The following SUMF1 variants were observed in gnomAD, a reference collection of about 807,000 sequenced individuals.
The protein encoded by SUMF1 is sulfatase modifying factor 1.
A neutral mutation model predicts 47.6 loss-of-function variants in SUMF1; 48 were observed. That is an observed-to-expected ratio of 1.01 (90% CI 0.80 to 1.28). SUMF1 has a LOEUF of 1.28. Ranked by LOEUF, SUMF1 falls within the 50% of genes most tolerant of loss-of-function variation. The pLI, the probability that SUMF1 is intolerant of heterozygous loss-of-function variation, is 0.00. For synonymous variants in SUMF1, 230 were observed against 192.1 expected (o/e 1.20, Z -1.63); for missense variants, 571 against 485.4 (o/e 1.18, Z -1.66).
chr3:4,274,621 T>C (rs1230078901), intron 8 of SUMF1, among the ~76,000 whole-genome samples: 1 of 152,200 alleles, frequency 6.6e-6, no homozygotes, highest in East Asian at 1.9e-4. Flanking sequence ...AGCCAGACTC[T>C]GCCCCTATGA....
At chr3:4,043,754 T>C (rs1694952699) in intron 9 of SUMF1, among the ~76,000 whole-genome samples, 1 of 152,226 alleles carries the variant, frequency 6.6e-6, no homozygotes, top group Admixed American at 6.5e-5. Flanking sequence ...AAAACACTCT[T>C]TGAATACCTT....
At chr3:4,411,699 C>G (rs1380738094) in intron 6 of SUMF1, among the ~76,000 whole-genome samples, 1 of 102,422 alleles carries the variant, frequency 9.8e-6, no homozygotes, top group Non-Finnish European at 1.9e-5. Context: ...GGGGGGAGAG[C>G]AGGAGGAAAA....
At chr3:4,214,901 T>C (rs1695883789) in intron 8 of SUMF1, among the ~76,000 whole-genome samples, 1 of 152,142 alleles carries the variant, frequency 6.6e-6, no homozygotes, top group Admixed American at 6.5e-5. Context: ...GAGGCAGTAA[T>C]TAATAGCCCA....
intron 8 of SUMF1, among the ~76,000 whole-genome samples, chr3:4,265,660 T>G (rs1453538879): frequency 1.3e-5 from 2 of 152,162 alleles, no homozygotes; most frequent in South Asian, 2.1e-4. Flanking sequence ...TTGCGAAAAT[T>G]TTCTCCCATT....
At chr3:4,035,529 C>T (rs191768144) in intron 9 of SUMF1, among the ~76,000 whole-genome samples, 1 of 152,190 alleles carries the variant, frequency 6.6e-6, no homozygotes, top group Non-Finnish European at 1.5e-5. Flanking sequence ...AATTTAATTA[C>T]ACCTGAATAA....
chr3:4,040,481 G>A (rs915917277), intron 9 of SUMF1, among the ~76,000 whole-genome samples: 1 of 152,118 alleles, frequency 6.6e-6, no homozygotes, highest in African/African-American at 2.4e-5. Flanking sequence ...TGATTTAGAT[G>A]AAGATATACG....
intron 8 of SUMF1, among the ~76,000 whole-genome samples, chr3:4,263,718 G>T (rs1559628969): frequency 6.6e-6 from 1 of 152,006 alleles, no homozygotes; most frequent in South Asian, 2.1e-4. Flanking sequence ...ATATTCCCTT[G>T]CCCCCTTATT....
At position 4,323,987 on chromosome 3, in the gene SUMF1, G is replaced by GTCTAGAATTTTGATAC. The variant is rs534914949; in HGVS notation, c.1014+52342_1014+52343insGTATCAAAATTCTAGA. Among the ~76,000 whole-genome samples, 170 of 152,142 alleles carry GTCTAGAATTTTGATAC rather than the reference G, an allele frequency of 1.1e-3. 1 individual carries two copies. The highest frequency in any genetic ancestry group is 3.8e-3 in the African/African-American group (159 of 41,510). On this transcript the variant is annotated intron_variant and NMD_transcript_variant, in intron 8 of 12. Transcript: ENST00000448413. ...TCCTATTACTTTTAAATCTGTGTACGTGTAAGTCTAGAAATTTGATACTGG... is the reference window on the plus strand; with the variant it reads ...TCCTATTACTTTTAAATCTGTGTACGTCTAGAATTTTGATACTGTAAGTCTAGAAATTTGATACTGG...
intron 8 of SUMF1, among the ~76,000 whole-genome samples, chr3:4,139,567 C>T (rs1012044547): frequency 4.5e-5 from 5 of 112,200 alleles, no homozygotes; most frequent in African/African-American, 8.7e-5. Context: ...TATATATATG[C>T]ATGTGTGTGT....
intron 8 of SUMF1, among the ~76,000 whole-genome samples, chr3:4,204,634 C>A (rs553472947): frequency 3.4e-4 from 51 of 152,174 alleles, no homozygotes; most frequent in African/African-American, 1.2e-3. Context: ...TTTTGAGGCT[C>A]TTTTCTTGAT....
chr3:4,431,255 C>T (rs1323926189), intron 3 of SUMF1, among the ~76,000 whole-genome samples: 1 of 152,214 alleles, frequency 6.6e-6, no homozygotes, highest in Non-Finnish European at 1.5e-5. Flanking sequence ...GATTGAGAAC[C>T]TGCCTTCCCA....
intron 8 of SUMF1, among the ~76,000 whole-genome samples, chr3:4,084,784 CA>C (rs1177795589): frequency 2.0e-5 from 3 of 151,986 alleles, no homozygotes; most frequent in Non-Finnish European, 4.4e-5. Flanking sequence ...TTGTATCTTG[CA>C]AAAGGGTATG....
intron 8 of SUMF1, among the ~76,000 whole-genome samples, chr3:4,216,414 A>G (rs1695925119): frequency 6.6e-6 from 1 of 152,134 alleles, no homozygotes; most frequent in Admixed American, 6.6e-5. Context: ...AGAGTTAAAC[A>G]TAAGACCTAA....
At chr3:4,178,673 G>A (rs1360027220) in intron 8 of SUMF1, among the ~76,000 whole-genome samples, 1 of 152,138 alleles carries the variant, frequency 6.6e-6, no homozygotes, top group Non-Finnish European at 1.5e-5. Context: ...TCAACATAGT[G>A]TTGGAAGTTC....
chr3:4,210,250 T>C (rs1467547124), intron 8 of SUMF1, among the ~76,000 whole-genome samples: 2 of 152,120 alleles, frequency 1.3e-5, no homozygotes, highest in African/African-American at 2.4e-5. Flanking sequence ...ATAAATTCAA[T>C]GCAATCCAAA....
At chr3:4,419,980 T>C (rs1019924741) in intron 4 of SUMF1, 84 bp downstream of exon 4, 3 of 1,029,250 alleles carry the variant, frequency 2.9e-6, no homozygotes, top group African/African-American at 1.6e-5. Flanking sequence ...TAGATGAAGA[T>C]GCCCACTGAG....
chr3:4,329,609 T>C (rs1699010773), intron 8 of SUMF1, among the ~76,000 whole-genome samples: 1 of 152,190 alleles, frequency 6.6e-6, no homozygotes, highest in Non-Finnish European at 1.5e-5. Flanking sequence ...AAACCATTTT[T>C]CCCTCCTATG....
chr3:4,453,451 T>C (rs1030334270), intron 1 of SUMF1, among the ~76,000 whole-genome samples: 19 of 152,068 alleles, frequency 1.2e-4, no homozygotes, highest in Middle Eastern at 3.2e-3. Flanking sequence ...CACTACAGCA[T>C]TGACTTCCCA....
chr3:4,192,527 T>TA (rs1027502179), intron 8 of SUMF1, among the ~76,000 whole-genome samples: 5 of 152,122 alleles, frequency 3.3e-5, no homozygotes, highest in South Asian at 2.1e-4. Flanking sequence ...GAGGCCACCT[T>TA]AAAAAAATAC....
Sources: allele counts gnomAD v4.1 joint callset (sites outside exome capture counted in the v4.1 genomes callset), GRCh38; gene constraint gnomAD v4.1.1; transcripts MANE v1.5; gene names NCBI Gene and HGNC (gene_info 2026-07-23, HGNC 2026-07-21).